The following FHIT variants were observed in gnomAD, a reference collection of about 807,000 sequenced individuals.
The protein encoded by FHIT is fragile histidine triad diadenosine triphosphatase, also known as bis(5'-adenosyl)-triphosphatase.
FHIT carries 19 observed loss-of-function variants against 17.9 expected under a neutral mutation model. That is an observed-to-expected ratio of 1.06 (90% CI 0.74 to 1.56). The LOEUF (loss-of-function observed/expected upper bound fraction) is 1.56. Among genes scored for constraint, FHIT ranks in the 40% most tolerant of loss-of-function variants. The pLI, the probability that FHIT is intolerant of heterozygous loss-of-function variation, is 0.00. For synonymous variants in FHIT, 81 were observed against 69.7 expected, an observed-to-expected ratio of 1.16 and a Z score of -0.81; for missense variants, 248 against 189.2, an observed-to-expected ratio of 1.31 and a Z score of -1.82.
At chr3:59,847,109 T>A (rs975351418) in intron 8 of FHIT, among the ~76,000 whole-genome samples, 18 of 152,170 alleles carry the variant, frequency 1.2e-4, no homozygotes, top group Non-Finnish European at 2.5e-4. Flanking sequence ...GATGTTCATA[T>A]TCATGTCATT....
chr3:60,313,360 T>C (rs371541277), intron 5 of FHIT, among the ~76,000 whole-genome samples: 1 of 152,210 alleles, frequency 6.6e-6, no homozygotes, highest in Admixed American at 6.5e-5. Context: ...ACCGCATTTA[T>C]ATTGTCTACA....
chr3:60,077,740 G>GAGAGACAGA (rs749903107), intron 5 of FHIT, among the ~76,000 whole-genome samples: 494 of 46,964 alleles, frequency 0.011, 4 homozygotes, highest in African/African-American at 0.027. Context: ...ATATATAGAG[G>GAGAGACAGA]GGGGGGGGAG....
chr3:60,133,169 A>G (rs1699668517), intron 5 of FHIT, among the ~76,000 whole-genome samples: 1 of 152,112 alleles, frequency 6.6e-6, no homozygotes, highest in African/African-American at 2.4e-5. Context: ...TGGACAGTGA[A>G]GACATGGGCT....
intron 5 of FHIT, among the ~76,000 whole-genome samples, chr3:60,322,997 T>C (rs1004976744): frequency 3.9e-5 from 6 of 152,146 alleles, no homozygotes; most frequent in African/African-American, 1.4e-4. Flanking sequence ...ATACAGGAAA[T>C]GTAAGATTCA....
At position 60,436,105 on chromosome 3, in the gene FHIT, C is replaced by T. The variant is rs559038884; in HGVS notation, c.103+100755G>A. ...TCATCCAGACTGGAATGCAGTAGCA[C>T]GATCTTGGCTCAGCTCACTGCAACC... is the stretch of plus-strand genomic sequence containing the variant. On this transcript the variant is annotated intron_variant, in intron 5 of 9. Transcript: ENST00000492590. Among the ~76,000 whole-genome samples, 164 of 152,088 alleles carry T rather than the reference C, an allele frequency of 1.1e-3. 2 individuals are homozygous for T. The highest frequency in any genetic ancestry group is 3.2e-4 in the Non-Finnish European group (22 of 67,970).
intron 5 of FHIT, among the ~76,000 whole-genome samples, chr3:60,289,646 T>C (rs1236277664): frequency 6.6e-6 from 1 of 152,202 alleles, no homozygotes; most frequent in Non-Finnish European, 1.5e-5. Context: ...TGAACTTATT[T>C]ATATAACAAG....
intron 4 of FHIT, among the ~76,000 whole-genome samples, chr3:60,599,983 T>C (rs976419129): frequency 1.3e-5 from 2 of 152,082 alleles, no homozygotes; most frequent in Non-Finnish European, 2.9e-5. Context: ...CAACCAAAAA[T>C]GTATCCAGAT....
intron 5 of FHIT, among the ~76,000 whole-genome samples, chr3:60,117,186 A>G (rs7632624): frequency 0.37 from 46,885 of 127,112 alleles, 7,617 homozygotes; most frequent in Non-Finnish European, 0.42. Context: ...GTTGGCTTGA[A>G]TTCCAGAAGG....
At chr3:60,433,844 A>G (rs903754159) in intron 5 of FHIT, among the ~76,000 whole-genome samples, 1 of 151,902 alleles carries the variant, frequency 6.6e-6, no homozygotes, top group African/African-American at 2.4e-5. Context: ...TGTATGGTTC[A>G]TTTTTTCTCC....
At chr3:60,840,883 C>A (rs181401456) in intron 3 of FHIT, among the ~76,000 whole-genome samples, 8 of 152,150 alleles carry the variant, frequency 5.3e-5, no homozygotes, top group African/African-American at 1.7e-4. Flanking sequence ...TGGTGTCTAA[C>A]AGATTTGTGT....
At chr3:60,100,450 C>T (rs1704144644) in intron 5 of FHIT, among the ~76,000 whole-genome samples, 2 of 152,220 alleles carry the variant, frequency 1.3e-5, no homozygotes, top group Middle Eastern at 6.8e-3. Flanking sequence ...CAAACAAAAT[C>T]ACTTGCTTTG....
chr3:60,847,670 A>G (rs1283045068), intron 3 of FHIT, among the ~76,000 whole-genome samples: 1 of 152,034 alleles, frequency 6.6e-6, no homozygotes, highest in Non-Finnish European at 1.5e-5. Context: ...AAAAATTCAG[A>G]AACTGGAATC....
chr3:61,237,759 T>C (rs1187122706), intron 1 of FHIT, among the ~76,000 whole-genome samples: 1 of 152,196 alleles, frequency 6.6e-6, no homozygotes, highest in Non-Finnish European at 1.5e-5. Flanking sequence ...TAGGTAGTAT[T>C]ATCATCTCCA....
chr3:59,991,897 C>T (rs2107474283), intron 7 of FHIT, among the ~76,000 whole-genome samples: 2 of 152,110 alleles, frequency 1.3e-5, no homozygotes, highest in South Asian at 4.1e-4. Context: ...TCAAGCCATA[C>T]CTGAAGTCAG....
At chr3:60,867,604 T>A (rs1704222481) in intron 3 of FHIT, among the ~76,000 whole-genome samples, 1 of 152,198 alleles carries the variant, frequency 6.6e-6, no homozygotes, top group Non-Finnish European at 1.5e-5. Flanking sequence ...CCTGCACATC[T>A]CAGCCTCTTA....
intron 4 of FHIT, among the ~76,000 whole-genome samples, chr3:60,616,594 A>C (rs376764933): frequency 1.3e-5 from 2 of 150,838 alleles, no homozygotes; most frequent in East Asian, 3.9e-4. Context: ...CATTAATGCC[A>C]AAAATTTAAA....
intron 5 of FHIT, among the ~76,000 whole-genome samples, chr3:60,441,855 GTT>G (rs75740422): frequency 8.6e-6 from 1 of 115,630 alleles, no homozygotes; most frequent in African/African-American, 3.2e-5. Context: ...TTTTAGTTGT[GTT>G]TTTTTTTTTT....
chr3:60,375,408 T>A (rs1171612702), intron 5 of FHIT, among the ~76,000 whole-genome samples: 1 of 142,878 alleles, frequency 7.0e-6, no homozygotes, highest in African/African-American at 2.6e-5. Flanking sequence ...ATCTCTACTT[T>A]AAAAAAAAAA....
intron 3 of FHIT, among the ~76,000 whole-genome samples, chr3:61,019,148 C>A (rs1283315953): frequency 6.6e-6 from 1 of 152,176 alleles, no homozygotes; most frequent in African/African-American, 2.4e-5. Flanking sequence ...TTAAATCTAT[C>A]ATAACAACTG....
Sources: gnomAD v4.1 joint callset for allele counts (sites outside exome capture counted in the v4.1 genomes callset) on GRCh38, gnomAD v4.1.1 for gene constraint, MANE v1.5 for transcripts, NCBI Gene and HGNC (gene_info 2026-07-23, HGNC 2026-07-21) for gene names.